The following PRKCQ variants were observed in gnomAD, a reference collection of about 807,000 sequenced individuals.
PRKCQ encodes the protein protein kinase C theta type.
PRKCQ carries 41 observed loss-of-function variants against 91.2 expected under a neutral mutation model. That is an observed-to-expected ratio of 0.45 (90% confidence interval 0.35 to 0.58). PRKCQ has a LOEUF of 0.58. PRKCQ is among the 20% of genes least tolerant of loss of function. The pLI is 0.00. For missense variants in PRKCQ, 673 were observed against 896.5 expected, an observed-to-expected ratio of 0.75 and a Z score of 3.18; for synonymous variants, 307 against 316.9, an observed-to-expected ratio of 0.97 and a Z score of 0.33.
chr10:6,516,931 T>G (rs951449744), intron 1 of PRKCQ, among the ~76,000 whole-genome samples: 2 of 152,142 alleles, frequency 1.3e-5, no homozygotes, highest in African/African-American at 4.8e-5. Flanking sequence ...TCCTAGACAA[T>G]GATTTCTTAC....
chr10:6,459,829 A>C (rs1835226362), intron 14 of PRKCQ, among the ~76,000 whole-genome samples: 1 of 152,370 alleles, frequency 6.6e-6, no homozygotes, highest in Middle Eastern at 3.4e-3. Context: ...TTCCAGAATA[A>C]GCCACCAAAT....
At chr10:6,414,360 T>A in the PRKCQ span, among the ~76,000 whole-genome samples, 8 of 152,166 alleles carry the variant, frequency 5.3e-5, no homozygotes, top group African/African-American at 1.9e-4. Context: ...CTCAAAACTG[T>A]TTTTAAGAAT....
intron 4 of PRKCQ, 45 bp from the exon 5 acceptor site, chr10:6,498,603 C>T (rs767856694): frequency 2.3e-5 from 36 of 1,590,280 alleles, no homozygotes; most frequent in Admixed American, 1.1e-4. Context: ...TGCAAAAGGA[C>T]GACTCCTATT....
downstream of PRKCQ, among the ~76,000 whole-genome samples, chr10:6,426,864 T>C (rs1427356662): frequency 6.6e-6 from 1 of 152,226 alleles, no homozygotes; most frequent in Non-Finnish European, 1.5e-5. Context: ...GCCTCCCAGG[T>C]AGCTGGGATT....
At chr10:6,507,395 G>A (rs1838253448) in intron 4 of PRKCQ, 41 bp downstream of exon 4, 2 of 1,547,524 alleles carry the variant, frequency 1.3e-6, no homozygotes, top group African/African-American at 1.4e-5. Flanking sequence ...AGAAGGCCAT[G>A]CCCTCCTCAC....
chr10:6,404,407 CT>C, the PRKCQ span, among the ~76,000 whole-genome samples: 5 of 150,814 alleles, frequency 3.3e-5, no homozygotes, highest in Admixed American at 2.0e-4. Flanking sequence ...TTCTTTCCTT[CT>C]TTCTTTCTTT....
intron 12 of PRKCQ, among the ~76,000 whole-genome samples, chr10:6,472,046 C>T (rs957063810): frequency 2.0e-5 from 3 of 151,986 alleles, no homozygotes; most frequent in South Asian, 2.1e-4. Context: ...CGGTGGCTCA[C>T]GCCCGTAATC....
intron 1 of PRKCQ, among the ~76,000 whole-genome samples, chr10:6,556,278 A>G (rs371170619): frequency 4.4e-4 from 67 of 152,160 alleles, no homozygotes; most frequent in Middle Eastern, 3.4e-3. Context: ...AAAAAATTTA[A>G]GAAACCAGCT....
intron 7 of PRKCQ, among the ~76,000 whole-genome samples, chr10:6,496,087 A>G (rs1837568770): frequency 6.6e-6 from 1 of 151,890 alleles, no homozygotes. Context: ...GTGGTGGCAT[A>G]TGCCCGTAAT....
At chr10:6,401,649 C>T in the PRKCQ span, among the ~76,000 whole-genome samples, 1 of 152,092 alleles carries the variant, frequency 6.6e-6, no homozygotes, top group African/African-American at 2.4e-5. Flanking sequence ...ATTGCGGGGC[C>T]AGGGCACTCT....
chr10:6,488,576 G>T (rs1837064041), intron 8 of PRKCQ, among the ~76,000 whole-genome samples: 1 of 152,044 alleles, frequency 6.6e-6, no homozygotes, highest in South Asian at 2.1e-4. Context: ...TAGAGACAGG[G>T]TTTCGCCATG....
chr10:6,494,244 G>A (rs1204108248), intron 7 of PRKCQ, among the ~76,000 whole-genome samples: 1 of 152,092 alleles, frequency 6.6e-6, no homozygotes, highest in Non-Finnish European at 1.5e-5. Context: ...GAAGCTCCAG[G>A]GACCAGTCTC....
At chr10:6,571,056 C>T (rs539952706) in intron 1 of PRKCQ, among the ~76,000 whole-genome samples, 21 of 152,010 alleles carry the variant, frequency 1.4e-4, no homozygotes, top group African/African-American at 4.1e-4. Flanking sequence ...GAGAAGCTGC[C>T]GTGGGAAGGA....
intron 12 of PRKCQ, among the ~76,000 whole-genome samples, chr10:6,474,284 C>A (rs1276526864): frequency 6.6e-6 from 1 of 152,180 alleles, no homozygotes; most frequent in Non-Finnish European, 1.5e-5. Flanking sequence ...CCTGCAAAAC[C>A]ACGGCGGCCT....
chr10:6,407,121 G>C, the PRKCQ span, among the ~76,000 whole-genome samples: 1 of 152,212 alleles, frequency 6.6e-6, no homozygotes, highest in Admixed American at 6.5e-5. This position sits in a 1 kb window ranked among gnomAD's most constrained non-coding sequence, Gnocchi z 4.0. Flanking sequence ...AAAGAATTTG[G>C]TAATTCATCT....
At chr10:6,455,031 G>C (rs912068615) in intron 15 of PRKCQ, among the ~76,000 whole-genome samples, 1 of 152,172 alleles carries the variant, frequency 6.6e-6, no homozygotes, top group Non-Finnish European at 1.5e-5. Flanking sequence ...CCACACCAAG[G>C]TGTTGCAAGG....
At chr10:6,538,542 C>A (rs1244307718) in intron 1 of PRKCQ, among the ~76,000 whole-genome samples, 4 of 152,242 alleles carry the variant, frequency 2.6e-5, no homozygotes, top group Non-Finnish European at 5.9e-5. Flanking sequence ...TGCCCCCTCC[C>A]TGGCTCCTCC....
At chr10:6,551,712 A>G (rs1052108066) in intron 1 of PRKCQ, among the ~76,000 whole-genome samples, 6 of 152,076 alleles carry the variant, frequency 3.9e-5, no homozygotes, top group Non-Finnish European at 1.5e-5. Context: ...TTCTTTATCT[A>G]TCTACCACTG....
intron 7 of PRKCQ, among the ~76,000 whole-genome samples, chr10:6,495,817 G>C (rs571609652): frequency 1.3e-5 from 2 of 152,284 alleles, no homozygotes; most frequent in South Asian, 2.1e-4. Context: ...GGATGGGAGG[G>C]AGGGAGGATT....
Sources: allele counts gnomAD v4.1 joint callset (sites outside exome capture counted in the v4.1 genomes callset), GRCh38; gene constraint gnomAD v4.1.1; non-coding constraint Gnocchi (gnomAD v3.1); transcripts MANE v1.5; gene names NCBI Gene and HGNC (gene_info 2026-07-23, HGNC 2026-07-21).